Variants in PCCA observed in about 807,000 individuals in gnomAD.
PCCA encodes the protein propionyl-CoA carboxylase subunit alpha.
A neutral mutation model predicts 101.3 loss-of-function variants in PCCA; 74 were observed. That is an observed-to-expected ratio of 0.73 (90% CI 0.61 to 0.89). The LOEUF is 0.89. Among genes scored for constraint, PCCA ranks in the 40% least tolerant of loss-of-function variants. The pLI is 0.00. For missense variants in PCCA, 891 were observed against 907.0 expected (o/e 0.98, Z 0.23); for synonymous variants, 294 against 313.6 (o/e 0.94, Z 0.66).
chr13:100,305,802 T>C (rs936663254), intron 14 of PCCA: 3 of 446,998 alleles, frequency 6.7e-6, no homozygotes. Context: ...TCCTGAAATA[T>C]GTTTTCAGAA....
intron 17 of PCCA, among the ~76,000 whole-genome samples, chr13:100,333,676 T>C (rs559444232): frequency 6.0e-4 from 91 of 152,312 alleles, no homozygotes; most frequent in African/African-American, 2.1e-3. Flanking sequence ...ATAATGAACA[T>C]TTTGGGCTTA....
rs2072774280 is a variant in PCCA, at chr13:100,348,787, T to TCTTCCTTTCTTC, written c.1643+8535_1643+8536insTCTTCCTTCCTT. ...TTCTTTCTTTCTTTCTTTCTTTCTTTCTTCCTTCCTTCCTTCCTTCCTTCC... is the reference window on the plus strand; with the variant it reads ...TTCTTTCTTTCTTTCTTTCTTTCTTTCTTCCTTTCTTCCTTCCTTCCTTCCTTCCTTCCTTCC... On this transcript the variant is annotated intron_variant, in intron 18 of 23. Transcript: ENST00000376285. Among the ~76,000 whole-genome samples, 7 of 46,648 alleles carry TCTTCCTTTCTTC rather than the reference T, an allele frequency of 1.5e-4. No individual in the cohort carries two copies. The South Asian group carries it at 6.1e-3, about 41-fold the overall frequency. 30.6% of individuals were successfully genotyped at this position (46,648 alleles called of 152,430 possible).
In PCCA at chr13:100,209,405, A is replaced by G. The variant is rs1426246346; in HGVS notation, c.542A>G (p.Lys181Arg). The G allele has an allele frequency of 1.2e-6, 2 of 1,613,498 alleles. No individual in the cohort carries two copies. Among genetic ancestry groups the G allele is most frequent in the South Asian group, 1.1e-5 (1 of 91,078 alleles). The change falls in exon 7 of 24, where the codon AAA becomes AGA. Residue 181 changes from lysine to arginine, a missense_variant. Transcript: ENST00000376285. ...GCCATGGGCGACAAGATTGAAAGCA[A>G]ATTATTAGCTAAGAAAGCAGAGGTT... ...IQAMGDKIESKLLAKKAEVNT... is the reference protein window; with the variant it reads ...IQAMGDKIESRLLAKKAEVNT...
chr13:100,465,362 G>C (rs2082435613), intron 21 of PCCA, among the ~76,000 whole-genome samples: 1 of 152,174 alleles, frequency 6.6e-6, no homozygotes, highest in Non-Finnish European at 1.5e-5. Context: ...TGAGAAGATA[G>C]GACAAACATT....
At chr13:100,356,469 G>T (rs950555478) in intron 18 of PCCA, among the ~76,000 whole-genome samples, 1 of 152,028 alleles carries the variant, frequency 6.6e-6, no homozygotes, top group Non-Finnish European at 1.5e-5. Flanking sequence ...TTTCAAAAAA[G>T]ATATAGAAAT....
At chr13:100,405,335 C>T (rs200252898) in intron 19 of PCCA, among the ~76,000 whole-genome samples, 1 of 152,170 alleles carries the variant, frequency 6.6e-6, no homozygotes, top group African/African-American at 2.4e-5. Context: ...TTCTGAGCTG[C>T]AGCCAGAGAT....
chr13:100,131,419 G>A (rs549372291), intron 4 of PCCA, among the ~76,000 whole-genome samples: 3 of 152,250 alleles, frequency 2.0e-5, no homozygotes, highest in African/African-American at 4.8e-5. Context: ...TGCTATGGCC[G>A]CTTGGACCCA....
chr13:100,458,380 ACACACACG>A (rs2081921188), intron 21 of PCCA, among the ~76,000 whole-genome samples: 2 of 139,096 alleles, frequency 1.4e-5, no homozygotes, highest in African/African-American at 2.9e-5. Flanking sequence ...ACACACACAC[ACACACACG>A]CACATATACA....
At chr13:100,430,208 G>A (rs1595876213) in intron 20 of PCCA, among the ~76,000 whole-genome samples, 1 of 152,234 alleles carries the variant, frequency 6.6e-6, no homozygotes, top group East Asian at 1.9e-4. Flanking sequence ...CCGGGTTGTG[G>A]TGAGCTGAGA....
intron 19 of PCCA, among the ~76,000 whole-genome samples, chr13:100,406,712 C>A (rs926670668): frequency 6.6e-6 from 1 of 151,958 alleles, no homozygotes; most frequent in East Asian, 1.9e-4. Context: ...GTCTCCCCAC[C>A]CAAAAAAAGA....
At chr13:100,098,565 G>T (rs963214983) in intron 1 of PCCA, among the ~76,000 whole-genome samples, 1 of 152,196 alleles carries the variant, frequency 6.6e-6, no homozygotes, top group Non-Finnish European at 1.5e-5. Flanking sequence ...GAACATGGTC[G>T]AGATGAGGGT....
chr13:100,285,509 G>A lies in PCCA; in HGVS notation c.1065+12163G>A, dbSNP rs538904890. On this transcript the variant is annotated intron_variant, in intron 12 of 23. Coordinates refer to ENST00000376285, the MANE Select transcript of PCCA (RefSeq NM_000282.4). ...TTTAAGTGTAGTTGCAGCAGTGGCC[G>A]TCTTAGTGTCAGAGACTATCAAAAT... Among the ~76,000 whole-genome samples the A allele has an allele frequency of 3.0e-4, 46 of 152,270 alleles. 1 individual carries two copies. Among genetic ancestry groups the A allele is most frequent in the African/African-American group, 1.1e-3 (44 of 41,564 alleles).
At chr13:100,397,243 A>C (rs998957229) in intron 19 of PCCA, among the ~76,000 whole-genome samples, 2 of 152,314 alleles carry the variant, frequency 1.3e-5, no homozygotes, top group Admixed American at 6.5e-5. Context: ...GGTGTCATCA[A>C]ATCAGCCTAG....
At chr13:100,364,685 G>T (rs7322595) in intron 18 of PCCA, among the ~76,000 whole-genome samples, 111,274 of 152,086 alleles carry the variant, frequency 0.73, 41,095 homozygotes, top group Middle Eastern at 0.81. Flanking sequence ...TTTCGACTCT[G>T]TTTTGGTATT....
At chr13:100,190,915 T>C (rs1453260644) in intron 6 of PCCA, among the ~76,000 whole-genome samples, 2 of 151,982 alleles carry the variant, frequency 1.3e-5, no homozygotes, top group Non-Finnish European at 2.9e-5. Flanking sequence ...GGTCCCATGG[T>C]GAAACCCCAT....
Position 100,309,716 on chromosome 13 carries a change from A to C in PCCA, c.1354-117A>C. ...TGTATTGAAAACTGAACTATCATAAAATTTCGAGATATATTTAGAAATCTG... is the reference window on the plus strand; with the variant it reads ...TGTATTGAAAACTGAACTATCATAACATTTCGAGATATATTTAGAAATCTG... On this transcript the variant is annotated intron_variant, in intron 15 of 23. Coordinates refer to ENST00000376285, the MANE Select transcript of PCCA (RefSeq NM_000282.4). The C allele has an allele frequency of 9.0e-6, 6 of 667,744 alleles. No homozygotes were observed. In the South Asian group the frequency reaches 1.2e-4, roughly 13 times the overall value. 41.4% of individuals were successfully genotyped at this position (667,744 alleles called of 1,614,324 possible).
At chr13:100,273,867 T>C (rs1319309536) in intron 12 of PCCA, among the ~76,000 whole-genome samples, 1 of 152,196 alleles carries the variant, frequency 6.6e-6, no homozygotes, top group African/African-American at 2.4e-5. Flanking sequence ...CTTCCTTAGT[T>C]CTAACCAAAT....
intron 10 of PCCA, among the ~76,000 whole-genome samples, chr13:100,263,991 G>A (rs554954462): frequency 1.7e-3 from 240 of 141,634 alleles, no homozygotes; most frequent in Middle Eastern, 4.5e-3. Context: ...TCATATATAC[G>A]GTATCTGTAT....
At chr13:100,353,168 A>G (rs1230777900) in intron 18 of PCCA, among the ~76,000 whole-genome samples, 1 of 152,228 alleles carries the variant, frequency 6.6e-6, no homozygotes, top group African/African-American at 2.4e-5. Flanking sequence ...CAAAGAGAGA[A>G]ATAGGCAATT....
Sources: allele counts gnomAD v4.1 joint callset (sites outside exome capture counted in the v4.1 genomes callset), GRCh38; gene constraint gnomAD v4.1.1; transcripts MANE v1.5; gene names NCBI Gene and HGNC (gene_info 2026-07-23, HGNC 2026-07-21).